The following KLHL4 variants were observed in gnomAD, a reference collection of about 807,000 sequenced individuals.
The protein encoded by KLHL4 is kelch-like protein 4.
Under a neutral mutation model 45.8 loss-of-function variants are expected in KLHL4, and 17 were observed. That is an observed-to-expected ratio of 0.37 (90% CI 0.25 to 0.56). The LOEUF is 0.56. Ranked by LOEUF, KLHL4 falls within the 20% of genes least tolerant of loss-of-function variation. The probability of loss-of-function intolerance (pLI) is 0.79; values close to 1 mark genes in which losing one functional copy is unlikely to be tolerated. For missense variants in KLHL4, 544 were observed against 544.9 expected (o/e 1.00, Z 0.02); for synonymous variants, 224 against 189.9 (o/e 1.18, Z -1.47).
intron 1 of KLHL4, among the ~76,000 whole-genome samples, chrX:87,587,944 A>T (rs1465986899): frequency 1.8e-5 from 2 of 111,653 alleles, no homozygotes; most frequent in Non-Finnish European, 3.8e-5. Context: ...TGATCAACAA[A>T]TTCAGTAAAC....
rs978576315 is a variant in KLHL4, at chrX:87,667,908, A to G, written c.*1374A>G. The G allele has an allele frequency of 3.2e-5, 22 of 686,148 alleles. No homozygotes were observed. The highest frequency in any genetic ancestry group is 3.8e-5 in the Non-Finnish European group (22 of 578,089). 56.5% of individuals were successfully genotyped at this position (686,148 alleles called of 1,213,427 possible). The stretch of plus-strand genomic sequence containing the variant: ...AGATATTTGTACTTTGACAAACTGA[A>G]TTTAAATAAACTTTATTTCCTCTCA... On this transcript the variant is annotated 3_prime_UTR_variant, in exon 11 of 11. Coordinates refer to ENST00000373119, the MANE Select transcript of KLHL4 (RefSeq NM_019117.5).
intron 1 of KLHL4, among the ~76,000 whole-genome samples, chrX:87,571,371 T>G (rs1003815121): frequency 1.8e-5 from 2 of 111,199 alleles, no homozygotes; most frequent in Admixed American, 1.9e-4. Flanking sequence ...GATTAACATC[T>G]TCCTGCCACT....
intron 1 of KLHL4, among the ~76,000 whole-genome samples, chrX:87,536,287 G>A (rs1162927736): frequency 9.0e-6 from 1 of 111,109 alleles, no homozygotes; most frequent in Non-Finnish European, 1.9e-5. Context: ...CCCTTCAGCA[G>A]TATAAAGCTG....
At chrX:87,629,792 C>T (rs1385314541) in intron 6 of KLHL4, among the ~76,000 whole-genome samples, 1 of 111,687 alleles carries the variant, frequency 9.0e-6, no homozygotes, top group African/African-American at 3.2e-5. Context: ...AGAAAACTGA[C>T]TGGTTAAACA....
At chrX:87,640,556 G>T (rs1923419819) in intron 9 of KLHL4, among the ~76,000 whole-genome samples, 1 of 111,724 alleles carries the variant, frequency 9.0e-6, no homozygotes, top group Non-Finnish European at 1.9e-5. Flanking sequence ...CAATAAATGT[G>T]ATATGCCTCA....
intron 1 of KLHL4, among the ~76,000 whole-genome samples, chrX:87,531,294 T>G (rs1468947951): frequency 1.8e-5 from 2 of 110,506 alleles, no homozygotes; most frequent in African/African-American, 3.3e-5. Flanking sequence ...GTCAATTTTG[T>G]CTTTTGTTGC....
intron 1 of KLHL4, among the ~76,000 whole-genome samples, chrX:87,523,669 A>G (rs1602397017): frequency 8.9e-6 from 1 of 112,018 alleles, no homozygotes; most frequent in East Asian, 2.8e-4. Flanking sequence ...TAGATGACTG[A>G]GTAAATGAGA....
intron 6 of KLHL4, among the ~76,000 whole-genome samples, chrX:87,630,824 C>T (rs1211206390): frequency 8.9e-6 from 1 of 111,838 alleles, no homozygotes; most frequent in Non-Finnish European, 1.9e-5. Flanking sequence ...ATATTTTGTG[C>T]TACTGAAGCA....
intron 4 of KLHL4, 75 bp from the exon 5 acceptor site, chrX:87,622,136 A>T: frequency 1.5e-6 from 1 of 652,983 alleles, no homozygotes; most frequent in Non-Finnish European, 2.4e-6. Flanking sequence ...TAAGAACATG[A>T]AATTCTTTGA....
intron 9 of KLHL4, among the ~76,000 whole-genome samples, chrX:87,646,778 G>A (rs1923650720): frequency 9.0e-6 from 1 of 111,254 alleles, no homozygotes; most frequent in African/African-American, 3.3e-5. Flanking sequence ...TAAATCTAAA[G>A]CCTGAAACCA....
intron 1 of KLHL4, among the ~76,000 whole-genome samples, chrX:87,573,785 C>G (rs1024136650): frequency 3.6e-5 from 4 of 111,396 alleles, no homozygotes; most frequent in Non-Finnish European, 1.9e-5. Context: ...GCTGTATGTG[C>G]TAAGCCATAC....
At chrX:87,588,904 A>G (rs1336432747) in intron 1 of KLHL4, among the ~76,000 whole-genome samples, 1 of 111,769 alleles carries the variant, frequency 8.9e-6, no homozygotes, top group Non-Finnish European at 1.9e-5. Context: ...CTGCATAGCA[A>G]AGGACACAAC....
In KLHL4 at chrX:87,666,787, G is replaced by A. The variant is rs1924384058; in HGVS notation, c.*253G>A. The A allele has an allele frequency of 1.2e-6, 1 of 866,516 alleles. No homozygotes were observed. Among genetic ancestry groups the A allele is most frequent in the Non-Finnish European group, 1.4e-6 (1 of 711,640 alleles). 71.4% of individuals were successfully genotyped at this position (866,516 alleles called of 1,213,427 possible). ...ATATAAAAGGAAATCCCACAGTCTA[G>A]ATATAGCCCCATTACTACAAAATGC... On this transcript the variant is annotated 3_prime_UTR_variant, in exon 11 of 11. Coordinates refer to ENST00000373119, the MANE Select transcript of KLHL4 (RefSeq NM_019117.5).
At chrX:87,647,749 G>A (rs1460864095) in intron 9 of KLHL4, among the ~76,000 whole-genome samples, 7 of 111,057 alleles carry the variant, frequency 6.3e-5, no homozygotes, top group Non-Finnish European at 9.5e-5. Flanking sequence ...AGTAGGGTGA[G>A]GGATAAAGTC....
At chrX:87,526,006 G>T (rs1262402834) in intron 1 of KLHL4, among the ~76,000 whole-genome samples, 1 of 111,376 alleles carries the variant, frequency 9.0e-6, no homozygotes, top group African/African-American at 3.3e-5. Flanking sequence ...CGGCACTTAT[G>T]TAACAGAAGC....
At chrX:87,530,594 A>G (rs1931241361) in intron 1 of KLHL4, among the ~76,000 whole-genome samples, 1 of 106,625 alleles carries the variant, frequency 9.4e-6, no homozygotes, top group African/African-American at 3.4e-5. Flanking sequence ...TACAAAGGAC[A>G]TGAACTCATC....
chrX:87,520,247 G>C (rs1331364780), intron 1 of KLHL4, among the ~76,000 whole-genome samples: 1 of 112,344 alleles, frequency 8.9e-6, no homozygotes, highest in Non-Finnish European at 1.9e-5. Flanking sequence ...TGCTTCTCCA[G>C]TGCCTCTCTT....
chrX:87,547,331 G>A (rs182537897), intron 1 of KLHL4, among the ~76,000 whole-genome samples: 3 of 110,986 alleles, frequency 2.7e-5, no homozygotes, highest in Non-Finnish European at 5.7e-5. Context: ...TCTTAAACGT[G>A]TTCTCTGGCC....
At chrX:87,592,517 C>A (rs1400094460) in intron 1 of KLHL4, among the ~76,000 whole-genome samples, 1 of 111,837 alleles carries the variant, frequency 8.9e-6, no homozygotes, top group Non-Finnish European at 1.9e-5. Context: ...TCCTCACCAG[C>A]ACTGTTATTG....
Sources: allele counts gnomAD v4.1 joint callset (sites outside exome capture counted in the v4.1 genomes callset), GRCh38; gene constraint gnomAD v4.1.1; transcripts MANE v1.5; gene names NCBI Gene and HGNC (gene_info 2026-07-23, HGNC 2026-07-21).